FAM149B1: variants seen among roughly 807,000 people sequenced by gnomAD.
FAM149B1 encodes the protein family with sequence similarity 149 member B1.
FAM149B1 carries 56 observed loss-of-function variants against 75.3 expected under a neutral mutation model. The observed-to-expected ratio is 0.74, with a 90% CI of 0.60 to 0.93. The LOEUF (loss-of-function observed/expected upper bound fraction) is 0.93, where lower values mean the gene tolerates loss of function less well. FAM149B1 is among the 40% of genes least tolerant of loss of function. FAM149B1 has a pLI of 0.00. For synonymous variants in FAM149B1, 259 were observed against 256.1 expected, an observed-to-expected ratio of 1.01 and a Z score of -0.11; for missense variants, 639 against 708.4, an observed-to-expected ratio of 0.90 and a Z score of 1.11.
Position 73,177,920 on chromosome 10 carries a change from A to T in FAM149B1, c.227A>T (p.Tyr76Phe). 6.4e-7 allele frequency: 1 copy of T among 1,551,674 alleles called. No homozygotes were observed. Among genetic ancestry groups the T allele is most frequent in the African/African-American group, 1.4e-5 (1 of 73,150 alleles). Residue 76 changes from tyrosine (Y) to phenylalanine (F), a missense_variant, in exon 3 of 14, where the codon TAT (tyrosine) becomes TTT (phenylalanine). Coordinates refer to ENST00000242505, the MANE Select transcript of FAM149B1 (RefSeq NM_173348.2). ...AATTCACTGTCTGCTTTTCCAAGTT[A>T]TACAGGCGCAGGGATATCTACTGAA... ...TGNSLSAFPS[Y>F]TGAGISTEGS...
intron 2 of FAM149B1, among the ~76,000 whole-genome samples, chr10:73,176,581 A>T (rs79593307): frequency 6.6e-6 from 1 of 151,866 alleles, no homozygotes; most frequent in Non-Finnish European, 1.5e-5. Context: ...ATGTGTGATT[A>T]AAAAAAATAT....
At chr10:73,174,556 T>C (rs12256576) in intron 1 of FAM149B1, 131 bp from the exon 2 acceptor site, 67,310 of 578,660 alleles carry the variant, frequency 0.12, 6,795 homozygotes, top group African/African-American at 0.34. Context: ...CAGATTTTAA[T>C]CACTGGTGGC....
chr10:73,200,334 C>T (rs1254328519), intron 5 of FAM149B1: 16 of 459,370 alleles, frequency 3.5e-5, no homozygotes, highest in South Asian at 1.9e-4. Flanking sequence ...GAAACTACAT[C>T]GCAAAAACAA....
chr10:73,228,240 T>C (rs2043601668), intron 8 of FAM149B1, 56 bp downstream of exon 8: 2 of 1,472,178 alleles, frequency 1.4e-6, no homozygotes, highest in Admixed American at 2.0e-5. Flanking sequence ...CAGAGGAAAT[T>C]TGCTCAGAGT....
At chr10:73,175,615 A>C (rs1047138178) in intron 2 of FAM149B1, among the ~76,000 whole-genome samples, 1 of 150,262 alleles carries the variant, frequency 6.7e-6, no homozygotes, top group Non-Finnish European at 1.5e-5. Context: ...GCTTGCAGTG[A>C]GCCAAGATCA....
At chr10:73,229,994 GAA>G (rs2043646487) in intron 8 of FAM149B1, among the ~76,000 whole-genome samples, 1 of 152,316 alleles carries the variant, frequency 6.6e-6, no homozygotes, top group East Asian at 1.9e-4. Flanking sequence ...CACAGGTAGT[GAA>G]AGAGAAGGAT....
intron 5 of FAM149B1, 86 bp downstream of exon 5, chr10:73,193,679 T>G (rs2042731113): frequency 7.8e-7 from 1 of 1,275,852 alleles, no homozygotes; most frequent in East Asian, 2.6e-5. Flanking sequence ...ATTAAAATAC[T>G]TCTTCCTACT....
At chr10:73,211,526 CCCTGATTT>C (rs1158693982) in intron 7 of FAM149B1, among the ~76,000 whole-genome samples, 12 of 152,104 alleles carry the variant, frequency 7.9e-5, no homozygotes, top group Non-Finnish European at 5.9e-5. Context: ...TAGTCTCTGC[CCCTGATTT>C]CAGATCATAG....
At chr10:73,182,161 G>A (rs1215186595) in intron 3 of FAM149B1, among the ~76,000 whole-genome samples, 2 of 149,904 alleles carry the variant, frequency 1.3e-5, no homozygotes, top group Non-Finnish European at 3.0e-5. Context: ...GTTTCTTGTA[G>A]GCAACAGATC....
chr10:73,226,630 T>C (rs1181165259), intron 7 of FAM149B1, among the ~76,000 whole-genome samples: 1 of 152,206 alleles, frequency 6.6e-6, no homozygotes, highest in African/African-American at 2.4e-5. Context: ...ATAAAATGAG[T>C]ATAAATACTA....
At chr10:73,216,100 A>G (rs2043292185) in intron 7 of FAM149B1, among the ~76,000 whole-genome samples, 1 of 150,432 alleles carries the variant, frequency 6.6e-6, no homozygotes, top group African/African-American at 2.5e-5. Flanking sequence ...GTACATATAT[A>G]TTTAGGATTG....
chr10:73,236,267 G>A lies in FAM149B1; in HGVS notation c.1602+949G>A, dbSNP rs999208996. Among the ~76,000 whole-genome samples the A allele has an allele frequency of 3.9e-5, 6 of 152,280 alleles. No homozygotes were observed. The South Asian group carries it at 6.2e-4, about 16-fold the overall frequency. Reference sequence around the variant, plus strand: ...ATTTTTTCCTCACAGTTCCAGAGGCGAGAAGTTCAAAATCAAGGTGTCAAC... The same window carrying A: ...ATTTTTTCCTCACAGTTCCAGAGGCAAGAAGTTCAAAATCAAGGTGTCAAC... On this transcript the variant is annotated intron_variant, in intron 12 of 13. Transcript: ENST00000242505.
chr10:73,169,207 C>T (rs899918724), intron 1 of FAM149B1, among the ~76,000 whole-genome samples: 2 of 150,814 alleles, frequency 1.3e-5, no homozygotes, highest in Non-Finnish European at 3.0e-5. Context: ...GGCCTGTAAA[C>T]CCAGCTACTT....
At chr10:73,234,018 C>T (rs1274067086) in intron 10 of FAM149B1, 3 of 152,170 alleles carry the variant, frequency 2.0e-5, no homozygotes, top group Non-Finnish European at 4.4e-5. Context: ...CACTCTGAGC[C>T]TCATCATGCA....
chr10:73,210,299 G>C lies in FAM149B1; in HGVS notation c.759G>C (p.Gln253His). 6.4e-7 allele frequency: 1 copy of C among 1,551,480 alleles called. No homozygotes were observed. Among genetic ancestry groups the C allele is most frequent in the Non-Finnish European group, 8.7e-7 (1 of 1,146,630 alleles). ...AATCAGAAGCAGCTACAGAGAAACA[G>C]AAATTAGGGTATCCTCCCATTGCTC... ...GKKSEAATEK[Q>H]KLGYPPIAPF... Residue 253 changes from glutamine (Q) to histidine (H), a missense_variant, in exon 7 of 14, where the codon CAG (glutamine) becomes CAC (histidine). By Grantham distance (24) the Gln-to-His change is conservative (BLOSUM62 0). Transcript: ENST00000242505.
At chr10:73,228,573 T>C (rs2043611077) in intron 8 of FAM149B1, among the ~76,000 whole-genome samples, 1 of 152,046 alleles carries the variant, frequency 6.6e-6, no homozygotes, top group African/African-American at 2.4e-5. Flanking sequence ...CCTTTTTCTC[T>C]CAACTTGGCC....
At chr10:73,170,896 T>A (rs970221651) in intron 1 of FAM149B1, among the ~76,000 whole-genome samples, 1 of 152,066 alleles carries the variant, frequency 6.6e-6, no homozygotes, top group Non-Finnish European at 1.5e-5. Flanking sequence ...TTAAAAAAAA[T>A]CTTGTATGGA....
intron 8 of FAM149B1, 75 bp from the exon 9 acceptor site, chr10:73,230,347 C>G: frequency 1.3e-6 from 1 of 790,496 alleles, no homozygotes; most frequent in Non-Finnish European, 2.2e-6. Flanking sequence ...GAAATATTAA[C>G]TTTTGGCAAA....
At chr10:73,198,059 A>C (rs1249093414) in intron 5 of FAM149B1, among the ~76,000 whole-genome samples, 2 of 152,218 alleles carry the variant, frequency 1.3e-5, no homozygotes, top group African/African-American at 4.8e-5. Context: ...AAACCCTTGC[A>C]ATTATGGCCA....
Sources: allele counts gnomAD v4.1 joint callset (sites outside exome capture counted in the v4.1 genomes callset), GRCh38; gene constraint gnomAD v4.1.1; transcripts MANE v1.5; gene names NCBI Gene and HGNC (gene_info 2026-07-23, HGNC 2026-07-21).